Variants in SLC6A5 observed in about 807,000 individuals in gnomAD.
SLC6A5 encodes sodium- and chloride-dependent glycine transporter 2.
SLC6A5 carries 58 observed loss-of-function variants against 90.5 expected under a neutral mutation model. The observed-to-expected ratio is 0.64, with a 90% CI of 0.52 to 0.80. The LOEUF is 0.80. SLC6A5 is among the 30% of genes least tolerant of loss of function. SLC6A5 has a pLI of 0.00. For missense variants in SLC6A5, 1,015 were observed against 1,017.6 expected (o/e 1.00, Z 0.03); for synonymous variants, 427 against 401.4 (o/e 1.06, Z -0.76).
chr11:20,622,445 CTCCCCCTAG>C, intron 7 of SLC6A5, among the ~76,000 whole-genome samples: 1 of 152,200 alleles, frequency 6.6e-6, no homozygotes. Flanking sequence ...TCTCACTTGC[CTCCCCCTAG>C]TCCTGGCCCT....
At chr11:20,607,216 G>A (rs1034009083) in intron 4 of SLC6A5, 78 bp downstream of exon 4, 19 of 1,532,222 alleles carry the variant, frequency 1.2e-5, no homozygotes, top group Non-Finnish European at 1.7e-5. Flanking sequence ...CCCCAGGGAG[G>A]GAGACCTGCC....
At chr11:20,632,034 A>G (rs1370610814) in intron 10 of SLC6A5, among the ~76,000 whole-genome samples, 2 of 152,102 alleles carry the variant, frequency 1.3e-5, no homozygotes, top group East Asian at 1.9e-4. Flanking sequence ...TTCCGCAGCA[A>G]TGCACTAAAT....
rs551449458 is a variant in SLC6A5, at chr11:20,654,960, T to C, written c.*92T>C. 1.5e-6 allele frequency: 2 copies of C among 1,309,614 alleles called. No individual in the cohort carries two copies. Among genetic ancestry groups the C allele is most frequent in the Non-Finnish European group, 1.1e-6 (1 of 902,594 alleles). 81.1% of individuals were successfully genotyped at this position (1,309,614 alleles called of 1,614,324 possible). ...ATAGCTCTCCTCCCATTTTTCTTCA[T>C]CTTTCTTCCTACATCTTGGTTCACA... On this transcript the variant is annotated 3_prime_UTR_variant, in exon 16 of 16. Coordinates refer to ENST00000525748, the MANE Select transcript of SLC6A5 (RefSeq NM_004211.5).
intron 5 of SLC6A5, among the ~76,000 whole-genome samples, chr11:20,611,470 C>G (rs1852691393): frequency 6.6e-6 from 1 of 152,060 alleles, no homozygotes; most frequent in Admixed American, 6.5e-5. Flanking sequence ...AAAAAACAAA[C>G]AAATGAAAAA....
intron 13 of SLC6A5, among the ~76,000 whole-genome samples, chr11:20,646,468 G>A (rs982686395): frequency 6.6e-6 from 1 of 152,130 alleles, no homozygotes; most frequent in Non-Finnish European, 1.5e-5. Flanking sequence ...AGTCTTCACT[G>A]GTTTTGCCAG....
rs1565280648 is a variant in SLC6A5 at position 20,626,740 on chromosome 11, C to CT, written c.1293_1294insT (p.Val432CysfsTer99). On this transcript the variant is annotated frameshift_variant, in exon 8 of 16. Transcript: ENST00000525748. LOFTEE classifies it high-confidence loss of function. The stretch of plus-strand genomic sequence containing the variant: ...ACTTCACGGCCACGTTCCCGTATGT[C>CT]GTACTCGTGATCCTCCTCATCCGAG... 56 of 1,613,970 alleles carry CT rather than the reference C, an allele frequency of 3.5e-5. No individual in the cohort carries two copies. The highest frequency in any genetic ancestry group is 4.6e-5 in the Non-Finnish European group (54 of 1,179,964).
At chr11:20,614,259 A>G (rs1852744852) in intron 5 of SLC6A5, among the ~76,000 whole-genome samples, 2 of 152,198 alleles carry the variant, frequency 1.3e-5, no homozygotes, top group South Asian at 4.1e-4. Context: ...TAAGGATCTG[A>G]GTTCGAATCC....
intron 2 of SLC6A5, among the ~76,000 whole-genome samples, chr11:20,603,423 T>C (rs997058137): frequency 1.3e-5 from 2 of 152,176 alleles, no homozygotes; most frequent in South Asian, 4.1e-4. Context: ...ATTCATAGAC[T>C]GCTGGAGCTG....
At position 20,636,365 on chromosome 11, in the gene SLC6A5, G is replaced by T. The variant is rs147215703; in HGVS notation, c.1683G>T (p.Pro561=). 1 of 1,613,998 alleles carries T rather than the reference G, an allele frequency of 6.2e-7. No individual in the cohort carries two copies. The highest frequency in any genetic ancestry group is 2.2e-5 in the East Asian group (1 of 44,874). Residue 561 remains proline, a synonymous_variant, in exon 11 of 16, where the codon CCG becomes CCT. Transcript: ENST00000525748. ...PEALTRLPLS[P]FWAIIFFLML... is the part of the protein sequence containing the mutation. ...CCTTAACCAGGCTGCCTCTCTCTCC[G>T]TTCTGGGCCATCATCTTTTTCCTGA...
At chr11:20,649,916 A>T (rs1173817892) in intron 14 of SLC6A5, among the ~76,000 whole-genome samples, 1 of 152,234 alleles carries the variant, frequency 6.6e-6, no homozygotes, top group Non-Finnish European at 1.5e-5. Context: ...CTTTCCATAG[A>T]AGACTTTTTT....
intron 13 of SLC6A5, among the ~76,000 whole-genome samples, chr11:20,645,797 C>A (rs1402027872): frequency 6.6e-6 from 1 of 152,066 alleles, no homozygotes; most frequent in African/African-American, 2.4e-5. Context: ...CGCCACGATG[C>A]CCAGCTTTTC....
At chr11:20,607,868 T>C (rs1157839113) in intron 5 of SLC6A5, among the ~76,000 whole-genome samples, 1 of 152,238 alleles carries the variant, frequency 6.6e-6, no homozygotes, top group Non-Finnish European at 1.5e-5. Context: ...TGCTTATGAA[T>C]AGCTGAAATC....
At chr11:20,613,550 G>A (rs1186101779) in intron 5 of SLC6A5, among the ~76,000 whole-genome samples, 1 of 151,946 alleles carries the variant, frequency 6.6e-6, no homozygotes. Context: ...TCAACACAGA[G>A]CCTGACATAC....
chr11:20,627,935 A>G, intron 8 of SLC6A5, 45 bp from the exon 9 acceptor site: 9 of 1,457,096 alleles, frequency 6.2e-6, no homozygotes, highest in Non-Finnish European at 8.7e-6. Flanking sequence ...CCCTGGCGCC[A>G]GTCTCCTTCA....
intron 13 of SLC6A5, among the ~76,000 whole-genome samples, chr11:20,639,800 T>C (rs1853278553): frequency 6.6e-6 from 1 of 152,168 alleles, no homozygotes; most frequent in South Asian, 2.1e-4. Context: ...TGGGCATTAG[T>C]AGAAGGGGAA....
intron 6 of SLC6A5, 151 bp downstream of exon 6, chr11:20,614,971 G>T (rs1013022464): frequency 1.1e-5 from 8 of 749,304 alleles, no homozygotes; most frequent in African/African-American, 3.5e-5. Flanking sequence ...AGAGCAGATT[G>T]TTGTGTCTTG....
At chr11:20,641,293 C>G (rs1355107762) in intron 13 of SLC6A5, among the ~76,000 whole-genome samples, 1 of 152,132 alleles carries the variant, frequency 6.6e-6, no homozygotes, top group Non-Finnish European at 1.5e-5. Flanking sequence ...TTTCCCCAAC[C>G]TCAACATGGA....
chr11:20,610,377 T>C (rs147029447), intron 5 of SLC6A5, among the ~76,000 whole-genome samples: 101 of 152,282 alleles, frequency 6.6e-4, no homozygotes, highest in Non-Finnish European at 2.9e-4. Flanking sequence ...CCCTGCTGCA[T>C]TGCTGCAGGA....
At chr11:20,607,242 AC>A (rs1359746041) in intron 4 of SLC6A5, 104 bp downstream of exon 4, 24 of 1,438,566 alleles carry the variant, frequency 1.7e-5, no homozygotes, top group Non-Finnish European at 2.0e-5. Context: ...GGTTAATAGA[AC>A]TAACTCTTTC....
Sources: gnomAD v4.1 joint callset for allele counts (sites outside exome capture counted in the v4.1 genomes callset) on GRCh38, gnomAD v4.1.1 for gene constraint, MANE v1.5 for transcripts, NCBI Gene and HGNC (gene_info 2026-07-23, HGNC 2026-07-21) for gene names.